The following L3MBTL1 variants were observed in gnomAD, a reference collection of about 807,000 sequenced individuals.
L3MBTL1 encodes the protein L3MBTL histone methyl-lysine binding protein 1.
Under a neutral mutation model 105.3 loss-of-function variants are expected in L3MBTL1, and 75 were observed. That is an observed-to-expected ratio of 0.71 (90% confidence interval 0.59 to 0.86). L3MBTL1 has a LOEUF of 0.86. L3MBTL1 is among the 40% of genes least tolerant of loss of function. The pLI, the probability that L3MBTL1 is intolerant of heterozygous loss-of-function variation, is 0.00. For synonymous variants in L3MBTL1, 452 were observed against 436.2 expected (o/e 1.04, Z -0.45); for missense variants, 1,069 against 1,126.4 (o/e 0.95, Z 0.73).
intron 1 of L3MBTL1, among the ~76,000 whole-genome samples, chr20:43,511,126 A>G (rs936469405): frequency 1.3e-5 from 2 of 149,054 alleles, no homozygotes; most frequent in African/African-American, 5.0e-5. Context: ...GCTCACTGCA[A>G]CCTCTACCCT....
chr20:43,520,556 T>C (rs973090762), intron 7 of L3MBTL1, among the ~76,000 whole-genome samples: 1 of 152,212 alleles, frequency 6.6e-6, no homozygotes, highest in Non-Finnish European at 1.5e-5. Context: ...TCTTCACCAA[T>C]GCTTGTTATT....
At chr20:43,547,697 T>G (rs1978713914) in intron 18 of L3MBTL1, among the ~76,000 whole-genome samples, 1 of 152,246 alleles carries the variant, frequency 6.6e-6, no homozygotes, top group Non-Finnish European at 1.5e-5. Context: ...CTGCTTGTCT[T>G]GCTGTTAGCA....
chr20:43,513,784 A>C, intron 2 of L3MBTL1, 54 bp from the exon 3 acceptor site: 2 of 1,539,174 alleles, frequency 1.3e-6, no homozygotes. Context: ...GGCCGGATTG[A>C]GGTAGGGCCA....
At chr20:43,519,058 T>C (rs1354176570) in intron 7 of L3MBTL1, among the ~76,000 whole-genome samples, 1 of 150,278 alleles carries the variant, frequency 6.7e-6, no homozygotes, top group Non-Finnish European at 1.5e-5. Flanking sequence ...AGAATACACT[T>C]TAAGGCTAGG....
Position 43,514,184 on chromosome 20 carries a change from G to A in L3MBTL1, c.360+123G>A, listed in dbSNP as rs2072978. 1.8e-3 allele frequency: 1,636 copies of A among 922,732 alleles called. 72 individuals carry two copies. The East Asian group carries it at 0.043, about 24-fold the overall frequency. The allele number at this position is 922,732 out of a possible 1,614,324, so 57.2% of individuals were successfully genotyped here. On this transcript the variant is annotated intron_variant, in intron 3 of 21. Coordinates refer to ENST00000418998, the MANE Select transcript of L3MBTL1 (RefSeq NM_001377303.1). ...CTGGCTCAGATGATGGGCCCTAGGG[G>A]TGGGCTTTGAGTGAGGGACTCTCGG...
At chr20:43,516,359 T>C (rs1172281772) in intron 7 of L3MBTL1, among the ~76,000 whole-genome samples, 182 bp downstream of exon 7, 1 of 152,212 alleles carries the variant, frequency 6.6e-6, no homozygotes, top group Non-Finnish European at 1.5e-5. Context: ...TATTAGTGTA[T>C]GTATTTTCTT....
intron 7 of L3MBTL1, among the ~76,000 whole-genome samples, chr20:43,522,515 A>C (rs1188107899): frequency 1.8e-5 from 2 of 109,062 alleles, no homozygotes; most frequent in African/African-American, 7.3e-5. Context: ...TCTATCACCC[A>C]GGCTGGAGTG....
At chr20:43,526,336 G>A (rs1031070333) in intron 7 of L3MBTL1, among the ~76,000 whole-genome samples, 1 of 152,170 alleles carries the variant, frequency 6.6e-6, no homozygotes, top group African/African-American at 2.4e-5. Flanking sequence ...TATGCATGAT[G>A]ATGTGGAATC....
At chr20:43,545,615 A>G (rs75693788), downstream of L3MBTL1, among the ~76,000 whole-genome samples, 1,749 of 152,278 alleles carry the variant, frequency 0.011, 47 homozygotes, top group African/African-American at 0.039. Flanking sequence ...TCCTTGAGAA[A>G]GGGGGAAATG....
At chr20:43,550,144 A>G (rs200597757) in exon 19 of L3MBTL1, 12 of 149,736 alleles carry the variant, frequency 8.0e-5, no homozygotes, top group Non-Finnish European at 1.8e-4. Flanking sequence ...CCTTGCTTTT[A>G]TCTTAGTTGT....
At position 43,529,253 on chromosome 20, in the gene L3MBTL1, T is replaced by A. The variant is rs747381640; in HGVS notation, c.952-11T>A. On this transcript the variant is annotated splice_polypyrimidine_tract_variant and intron_variant, in intron 8 of 21. Transcript: ENST00000418998. ...TGGAAGCTGGGTCCTCTCCACTCTG[T>A]GCGTTGACAGTCCCAGGCAGTCACT... 2 of 1,598,376 alleles carry A rather than the reference T, an allele frequency of 1.3e-6. No homozygotes were observed. The highest frequency in any genetic ancestry group is 2.7e-5 in the African/African-American group (2 of 74,652).
intron 16 of L3MBTL1, among the ~76,000 whole-genome samples, chr20:43,535,216 C>T (rs2019546439): frequency 6.6e-6 from 1 of 152,114 alleles, no homozygotes; most frequent in African/African-American, 2.4e-5. Context: ...TGGTCAGGCA[C>T]CCAGGGATTT....
chr20:43,549,729 CATGT>C (rs1447329374), exon 19 of L3MBTL1: 353 of 114,706 alleles, frequency 3.1e-3, no homozygotes, highest in Middle Eastern at 4.4e-3. Flanking sequence ...TGTGTGTGTG[CATGT>C]GTGTGTGTGT....
At chr20:43,547,143 C>T (rs1394893182) in intron 18 of L3MBTL1, among the ~76,000 whole-genome samples, 7 of 135,390 alleles carry the variant, frequency 5.2e-5, no homozygotes, top group Non-Finnish European at 6.1e-5. Flanking sequence ...CTCGCTCTGT[C>T]GCCCAGGCTG....
At chr20:43,535,970 G>A (rs759610874) in intron 17 of L3MBTL1, 34 bp downstream of exon 17, 36 of 1,597,192 alleles carry the variant, frequency 2.3e-5, no homozygotes, top group Non-Finnish European at 2.7e-5. Flanking sequence ...GACCCTCAGC[G>A]TTGTTTTGCA....
At position 43,512,113 on chromosome 20, in the gene L3MBTL1, T is replaced by C. The variant is rs137879964; in HGVS notation, c.-28-1363T>C. 2.0e-3 allele frequency among the ~76,000 whole-genome samples: 309 copies of C among 152,316 alleles called. 4 individuals carry two copies. Among genetic ancestry groups the C allele is most frequent in the East Asian group, 0.01 (52 of 5,180 alleles). On this transcript the variant is annotated intron_variant, in intron 1 of 21. Coordinates refer to ENST00000418998, the MANE Select transcript of L3MBTL1 (RefSeq NM_001377303.1). Reference sequence around the variant, plus strand: ...CTGAAGAATTTAGATAGGGAAATTATGTGATTTGGTTTATGTTTTTAAAGC... The same window carrying C: ...CTGAAGAATTTAGATAGGGAAATTACGTGATTTGGTTTATGTTTTTAAAGC...
At chr20:43,529,152 C>G in intron 8 of L3MBTL1, 112 bp from the exon 9 acceptor site, 1 of 725,600 alleles carries the variant, frequency 1.4e-6, no homozygotes, top group Non-Finnish European at 2.4e-6. Flanking sequence ...TAAGTTGCCC[C>G]TTTGGAAATA....
intron 7 of L3MBTL1, among the ~76,000 whole-genome samples, chr20:43,525,584 G>C (rs1360890227): frequency 1.3e-5 from 2 of 152,108 alleles, no homozygotes; most frequent in African/African-American, 4.8e-5. Flanking sequence ...GGACTTACTT[G>C]GGTTTAGGGA....
At position 43,536,305 on chromosome 20, in the gene L3MBTL1, C is replaced by T. The variant is rs1230664791; in HGVS notation, c.2123+11C>T. ...TCGCCATCACGGCCGGTATGGAGGC[C>T]AGGGAATCAGGGCCCGGGCTTCCTG... On this transcript the variant is annotated intron_variant, in intron 18 of 21. Transcript: ENST00000418998. The T allele has an allele frequency of 9.9e-6, 16 of 1,612,204 alleles. No homozygotes were observed. The highest frequency in any genetic ancestry group is 1.4e-5 in the Non-Finnish European group (16 of 1,179,176).
Sources: allele counts gnomAD v4.1 joint callset (sites outside exome capture counted in the v4.1 genomes callset), GRCh38; gene constraint gnomAD v4.1.1; transcripts MANE v1.5; gene names NCBI Gene and HGNC (gene_info 2026-07-23, HGNC 2026-07-21).